Variants in KLHL5 observed in about 807,000 individuals in gnomAD.
The protein encoded by KLHL5 is kelch like family member 5.
Under a neutral mutation model 77.7 loss-of-function variants are expected in KLHL5, and 48 were observed. The ratio of observed to expected loss-of-function variants is 0.62; its 90% confidence interval spans 0.49 to 0.79. The LOEUF (loss-of-function observed/expected upper bound fraction) is 0.79, where lower values mean the gene tolerates loss of function less well. Among genes scored for constraint, KLHL5 ranks in the 30% least tolerant of loss-of-function variants. The probability of loss-of-function intolerance (pLI) is 0.00; values close to 1 mark genes in which losing one functional copy is unlikely to be tolerated. For missense variants in KLHL5, 723 were observed against 859.7 expected (o/e 0.84, Z 1.99); for synonymous variants, 260 against 297.0 (o/e 0.88, Z 1.28).
chr4:39,131,895 A>AG, the KLHL5 span, among the ~76,000 whole-genome samples: 1 of 152,050 alleles, frequency 6.6e-6, no homozygotes, highest in Non-Finnish European at 1.5e-5. Context: ...CTCAAAAAAA[A>AG]AAAAAAAAGA....
At chr4:39,072,284 GTGCA>G (rs1718549078) in intron 1 of KLHL5, among the ~76,000 whole-genome samples, 1 of 152,110 alleles carries the variant, frequency 6.6e-6, no homozygotes, top group Admixed American at 6.5e-5. Flanking sequence ...CACTAGGGCT[GTGCA>G]TGCATTAGAT....
At chr4:39,088,110 T>C (rs977288117) in intron 5 of KLHL5, among the ~76,000 whole-genome samples, 2 of 152,258 alleles carry the variant, frequency 1.3e-5, no homozygotes, top group Non-Finnish European at 2.9e-5. Flanking sequence ...AAATTCTTTC[T>C]AGATGAAATC....
intron 1 of KLHL5, among the ~76,000 whole-genome samples, chr4:39,051,738 G>A (rs1364988787): frequency 1.3e-5 from 2 of 152,032 alleles, no homozygotes; most frequent in Non-Finnish European, 2.9e-5. Context: ...AACAAACCAG[G>A]TCCCACAGGA....
intron 2 of KLHL5, among the ~76,000 whole-genome samples, chr4:39,080,189 A>G (rs1719479236): frequency 6.6e-6 from 1 of 152,172 alleles, no homozygotes; most frequent in Non-Finnish European, 1.5e-5. Context: ...AAGTGTGTTG[A>G]CATGGAAATA....
upstream of KLHL5, among the ~76,000 whole-genome samples, chr4:39,060,780 G>T (rs1442053602): frequency 6.6e-6 from 1 of 152,154 alleles, no homozygotes; most frequent in Non-Finnish European, 1.5e-5. Context: ...AGAGGGGAAA[G>T]TGTCATTTCA....
downstream of KLHL5, among the ~76,000 whole-genome samples, chr4:39,130,748 G>T (rs1366920118): frequency 6.6e-6 from 1 of 152,000 alleles, no homozygotes; most frequent in Admixed American, 6.6e-5. Flanking sequence ...TTCAAATCCG[G>T]GCCCTTTGTG....
At chr4:39,051,213 G>A (rs532255741) in intron 1 of KLHL5, among the ~76,000 whole-genome samples, 34 of 152,112 alleles carry the variant, frequency 2.2e-4, no homozygotes, top group African/African-American at 8.0e-4. Context: ...TGTTAGACTC[G>A]TGTATGTAGC....
At chr4:39,093,243 A>G (rs1720751620) in intron 5 of KLHL5, 1 of 434,118 alleles carries the variant, frequency 2.3e-6, no homozygotes, top group African/African-American at 2.0e-5. Context: ...AAGGGAAAGA[A>G]GCAAGACACC....
At chr4:39,099,821 ATAACT>A (rs553236687) in intron 6 of KLHL5, among the ~76,000 whole-genome samples, 63 of 152,340 alleles carry the variant, frequency 4.1e-4, no homozygotes, top group African/African-American at 1.4e-3. Context: ...ACAGAAATAA[ATAACT>A]TAAGATAACT....
intron 8 of KLHL5, chr4:39,112,769 G>A (rs531976184): frequency 2.1e-5 from 9 of 432,870 alleles, no homozygotes; most frequent in Non-Finnish European, 3.8e-5. Flanking sequence ...CAAAGAGATG[G>A]CAGTGATGAA....
chr4:39,102,782 T>C (rs1721698748), intron 6 of KLHL5, among the ~76,000 whole-genome samples: 1 of 152,192 alleles, frequency 6.6e-6, no homozygotes, highest in Non-Finnish European at 1.5e-5. Flanking sequence ...TAGCCAGACT[T>C]CTCAGAAGAA....
At position 39,081,242 on chromosome 4, in the gene KLHL5, A is replaced by G. The variant is rs774788597; in HGVS notation, c.703+3A>G. On this transcript the variant is annotated splice_donor_region_variant and intron_variant, in intron 3 of 10. Transcript: ENST00000504108. This position sits in a 1 kb window ranked among gnomAD's most constrained non-coding sequence, Gnocchi z 4.3. ...CTTGATCCAGTATGCTTATACAGGTAACGAGTCTGAAAATGTAAATTAAAA... is the reference window on the plus strand; with the variant it reads ...CTTGATCCAGTATGCTTATACAGGTGACGAGTCTGAAAATGTAAATTAAAA... The G allele has an allele frequency of 6.3e-7, 1 of 1,589,466 alleles. No homozygotes were observed. The highest frequency in any genetic ancestry group is 2.3e-5 in the East Asian group (1 of 44,378).
chr4:39,117,850 G>A (rs1382613471), intron 10 of KLHL5, among the ~76,000 whole-genome samples: 2 of 152,092 alleles, frequency 1.3e-5, no homozygotes, highest in Non-Finnish European at 1.5e-5. Context: ...CAAGGTCGGC[G>A]GATCTTTTGG....
intron 5 of KLHL5, among the ~76,000 whole-genome samples, chr4:39,096,230 C>T (rs1490023815): frequency 6.6e-6 from 1 of 151,870 alleles, no homozygotes; most frequent in East Asian, 1.9e-4. Flanking sequence ...GTTCTTTTCC[C>T]CTTGAGAAAC....
upstream of KLHL5, among the ~76,000 whole-genome samples, chr4:39,060,615 GCAAA>G (rs1330259037): frequency 6.6e-6 from 1 of 152,158 alleles, no homozygotes; most frequent in Non-Finnish European, 1.5e-5. Flanking sequence ...TCTCTGGGAG[GCAAA>G]CAGTGTTATA....
chr4:39,132,624 G>A, the KLHL5 span, among the ~76,000 whole-genome samples: 5 of 150,782 alleles, frequency 3.3e-5, no homozygotes, highest in African/African-American at 7.3e-5. Flanking sequence ...AAAAAAAAAA[G>A]AAAGGAAAAG....
At chr4:39,143,054 C>T in the KLHL5 span, among the ~76,000 whole-genome samples, 1 of 152,174 alleles carries the variant, frequency 6.6e-6, no homozygotes, top group East Asian at 1.9e-4. Flanking sequence ...CACACACACA[C>T]AAGTGCATAT....
At chr4:39,111,403 C>T (rs1722448607) in intron 8 of KLHL5, among the ~76,000 whole-genome samples, 1 of 152,174 alleles carries the variant, frequency 6.6e-6, no homozygotes, top group Admixed American at 6.5e-5. Flanking sequence ...AGAGTTCATG[C>T]TCTTAATCAT....
At chr4:39,092,097 G>A (rs1276608768) in intron 5 of KLHL5, among the ~76,000 whole-genome samples, 1 of 151,972 alleles carries the variant, frequency 6.6e-6, no homozygotes, top group Admixed American at 6.6e-5. Flanking sequence ...CGAAAGTGAG[G>A]ATAAAAATTT....
Sources: allele counts gnomAD v4.1 joint callset (sites outside exome capture counted in the v4.1 genomes callset), GRCh38; gene constraint gnomAD v4.1.1; non-coding constraint Gnocchi (gnomAD v3.1); transcripts MANE v1.5; gene names NCBI Gene and HGNC (gene_info 2026-07-23, HGNC 2026-07-21).